The following PRKG1 variants were observed in gnomAD, a reference collection of about 807,000 sequenced individuals.
PRKG1 encodes the protein protein kinase cGMP-dependent 1, also known as cGMP-dependent protein kinase 1.
In PRKG1, 35 loss-of-function variants were observed where a neutral mutation model predicts 88.1. The ratio of observed to expected loss-of-function variants is 0.40; its 90% confidence interval spans 0.30 to 0.53. The LOEUF (loss-of-function observed/expected upper bound fraction) is 0.53, where lower values mean the gene tolerates loss of function less well. PRKG1 is among the 20% of genes least tolerant of loss of function. The pLI, the probability that PRKG1 is intolerant of heterozygous loss-of-function variation, is 0.59. For synonymous variants in PRKG1, 303 were observed against 292.5 expected (o/e 1.04, Z -0.37); for missense variants, 540 against 839.8 (o/e 0.64, Z 4.41).
chr10:52,175,431 T>G (rs1838835681), intron 9 of PRKG1, among the ~76,000 whole-genome samples: 1 of 152,162 alleles, frequency 6.6e-6, no homozygotes, highest in Admixed American at 6.5e-5. Context: ...TCTTGGCTAT[T>G]GTGAATAGTA....
chr10:51,782,137 G>C lies in PRKG1; in HGVS notation c.593-22448G>C, dbSNP rs934880995. ...ACACTTTTCTCTCATCCTAAACAAGGACTGCTTAACTTTAAGCACTTTTAA... is the reference window on the plus strand; with the variant it reads ...ACACTTTTCTCTCATCCTAAACAAGCACTGCTTAACTTTAAGCACTTTTAA... On this transcript the variant is annotated intron_variant, in intron 3 of 17. Transcript: ENST00000373980. 2.0e-5 allele frequency among the ~76,000 whole-genome samples: 3 copies of C among 152,064 alleles called. No individual in the cohort carries two copies. In the East Asian group the frequency reaches 5.8e-4, roughly 29 times the overall value.
At chr10:51,361,831 T>A (rs1842487031) in intron 2 of PRKG1, among the ~76,000 whole-genome samples, 1 of 151,926 alleles carries the variant, frequency 6.6e-6, no homozygotes. Context: ...AACTTATTTT[T>A]ATATGATTTC....
chr10:51,998,126 C>T (rs556481320), intron 5 of PRKG1, among the ~76,000 whole-genome samples: 3 of 152,192 alleles, frequency 2.0e-5, no homozygotes, highest in East Asian at 1.9e-4. Flanking sequence ...TGAATTTATC[C>T]GGACTCTTGA....
At chr10:51,133,711 A>T (rs2131941525) in intron 1 of PRKG1, among the ~76,000 whole-genome samples, 1 of 152,264 alleles carries the variant, frequency 6.6e-6, no homozygotes, top group South Asian at 2.1e-4. Context: ...TATCCCCTAC[A>T]AGCTTTTATA....
At chr10:51,797,994 C>A (rs1450443473) in intron 3 of PRKG1, among the ~76,000 whole-genome samples, 4 of 151,960 alleles carry the variant, frequency 2.6e-5, no homozygotes, top group Admixed American at 2.6e-4. Context: ...TTTTCACAAG[C>A]CTGAATACTA....
intron 3 of PRKG1, among the ~76,000 whole-genome samples, chr10:51,489,193 A>G (rs1840636353): frequency 6.6e-6 from 1 of 152,174 alleles, no homozygotes; most frequent in African/African-American, 2.4e-5. Flanking sequence ...ATTACAGCCC[A>G]ATGTGATAAG....
intron 5 of PRKG1, among the ~76,000 whole-genome samples, chr10:52,016,735 T>C (rs978792413): frequency 6.6e-5 from 10 of 151,798 alleles, no homozygotes; most frequent in Non-Finnish European, 1.2e-4. Flanking sequence ...AAAAAGAGAG[T>C]CCTTGATTTT....
intron 2 of PRKG1, among the ~76,000 whole-genome samples, chr10:51,449,092 G>T (rs1313238134): frequency 6.6e-6 from 1 of 151,754 alleles, no homozygotes; most frequent in East Asian, 1.9e-4. Flanking sequence ...TGATGCATTG[G>T]TTTCTATTTG....
chr10:51,971,236 T>C (rs1463657089), intron 5 of PRKG1, among the ~76,000 whole-genome samples: 1 of 151,926 alleles, frequency 6.6e-6, no homozygotes, highest in Non-Finnish European at 1.5e-5. Context: ...TTAACGTGGG[T>C]TGTGCTTGTG....
chr10:51,081,033 T>C (rs1017210202), intron 1 of PRKG1, among the ~76,000 whole-genome samples: 3 of 152,170 alleles, frequency 2.0e-5, no homozygotes, highest in African/African-American at 7.2e-5. Flanking sequence ...AATAGTACAC[T>C]CTCAAAACTG....
At chr10:51,791,124 A>G (rs551940101) in intron 3 of PRKG1, among the ~76,000 whole-genome samples, 5 of 152,318 alleles carry the variant, frequency 3.3e-5, no homozygotes, top group African/African-American at 1.2e-4. Context: ...CGATTCATTC[A>G]AATTTCATTT....
chr10:52,069,155 G>C (rs147521289), intron 7 of PRKG1, among the ~76,000 whole-genome samples: 1 of 152,188 alleles, frequency 6.6e-6, no homozygotes, highest in Non-Finnish European at 1.5e-5. Context: ...TTCATAGTCT[G>C]TGATCATGGA....
intron 4 of PRKG1, among the ~76,000 whole-genome samples, chr10:51,878,250 ATG>A (rs57901574): frequency 1.3e-5 from 2 of 150,854 alleles, no homozygotes; most frequent in Non-Finnish European, 3.0e-5. Context: ...GTGTGAATAT[ATG>A]TGTGTGTGTG....
At chr10:51,456,428 A>G (rs1324640716) in intron 2 of PRKG1, among the ~76,000 whole-genome samples, 1 of 152,200 alleles carries the variant, frequency 6.6e-6, no homozygotes, top group Non-Finnish European at 1.5e-5. Flanking sequence ...CTCACCTTAT[A>G]CAAAAATTAA....
At chr10:52,115,873 T>C (rs1847674223) in intron 7 of PRKG1, among the ~76,000 whole-genome samples, 3 of 152,142 alleles carry the variant, frequency 2.0e-5, no homozygotes, top group Admixed American at 2.0e-4. Flanking sequence ...TAAATTTGAA[T>C]TTTAGATATT....
intron 5 of PRKG1, among the ~76,000 whole-genome samples, chr10:52,042,172 G>A (rs1357893469): frequency 6.6e-6 from 1 of 152,074 alleles, no homozygotes; most frequent in Non-Finnish European, 1.5e-5. Flanking sequence ...CAGATTCAAT[G>A]TACTTTCTCT....
chr10:51,256,180 T>C (rs1839553659), intron 2 of PRKG1, among the ~76,000 whole-genome samples: 1 of 152,122 alleles, frequency 6.6e-6, no homozygotes, highest in Non-Finnish European at 1.5e-5. Context: ...ATCTCTGTCT[T>C]CCCAAGAGCC....
chr10:51,275,922 C>T lies in PRKG1; in HGVS notation c.478+122592C>T, dbSNP rs549640367. Among the ~76,000 whole-genome samples, 32 of 149,002 alleles carry T rather than the reference C, an allele frequency of 2.1e-4. No individual in the cohort carries two copies. In the East Asian group the frequency reaches 3.9e-3, roughly 18 times the overall value. ...GAAGCAGCATATAACAAAGGTATTA[C>T]GGGAAGAAGAAAAAAGCCTAAAGCA... On this transcript the variant is annotated intron_variant, in intron 2 of 17. Coordinates refer to ENST00000373980, the MANE Select transcript of PRKG1 (RefSeq NM_006258.4).
chr10:51,198,418 T>A (rs879844410), intron 2 of PRKG1, among the ~76,000 whole-genome samples: 3 of 152,222 alleles, frequency 2.0e-5, no homozygotes, highest in Non-Finnish European at 4.4e-5. Flanking sequence ...TCCATTCGAA[T>A]AAATATCCAA....
Sources: allele counts gnomAD v4.1 joint callset (sites outside exome capture counted in the v4.1 genomes callset), GRCh38; gene constraint gnomAD v4.1.1; transcripts MANE v1.5; gene names NCBI Gene and HGNC (gene_info 2026-07-23, HGNC 2026-07-21).